Variants in CCDC6 observed in about 807,000 individuals in gnomAD.
CCDC6 encodes the protein coiled-coil domain containing 6.
CCDC6 carries 20 observed loss-of-function variants against 56.6 expected under a neutral mutation model. That is an observed-to-expected ratio of 0.35 (90% confidence interval 0.25 to 0.51). The LOEUF is 0.51. CCDC6 is among the 20% of genes least tolerant of loss of function. The pLI is 0.95. For missense variants in CCDC6, 367 were observed against 601.1 expected, an observed-to-expected ratio of 0.61 and a Z score of 4.07; for synonymous variants, 241 against 234.4, an observed-to-expected ratio of 1.03 and a Z score of -0.26.
chr10:59,827,564 GTTTA>G (rs2070798725), intron 3 of CCDC6, among the ~76,000 whole-genome samples: 1 of 152,106 alleles, frequency 6.6e-6, no homozygotes, highest in Admixed American at 6.5e-5. Flanking sequence ...AGGCCACACT[GTTTA>G]TTACAGATGA....
At chr10:59,877,658 GT>G (rs2071296118) in intron 1 of CCDC6, among the ~76,000 whole-genome samples, 1 of 152,134 alleles carries the variant, frequency 6.6e-6, no homozygotes, top group Non-Finnish European at 1.5e-5. Context: ...CCTCTCTTCT[GT>G]TTAGTAGGCA....
chr10:59,896,299 T>A (rs555175344), intron 1 of CCDC6, among the ~76,000 whole-genome samples: 1 of 152,150 alleles, frequency 6.6e-6, no homozygotes, highest in East Asian at 1.9e-4. Flanking sequence ...GGGTAAGATA[T>A]GGGGGGATGA....
chr10:59,879,129 G>A (rs2071309803), intron 1 of CCDC6, among the ~76,000 whole-genome samples: 1 of 152,108 alleles, frequency 6.6e-6, no homozygotes, highest in Admixed American at 6.5e-5. Flanking sequence ...TTACGCAATT[G>A]CCAAAGGTCC....
chr10:59,798,275 T>G (rs1354963571), intron 7 of CCDC6, among the ~76,000 whole-genome samples: 2 of 152,262 alleles, frequency 1.3e-5, no homozygotes, highest in Non-Finnish European at 2.9e-5. Flanking sequence ...CTTACTGCTT[T>G]TCTGAATTAC....
At chr10:59,849,588 T>C (rs1047175098) in intron 2 of CCDC6, among the ~76,000 whole-genome samples, 3 of 152,164 alleles carry the variant, frequency 2.0e-5, no homozygotes, top group African/African-American at 4.8e-5. Flanking sequence ...CCAATCACTA[T>C]CAGAAATAAC....
chr10:59,880,739 A>G (rs2071326429), intron 1 of CCDC6, among the ~76,000 whole-genome samples: 2 of 152,244 alleles, frequency 1.3e-5, no homozygotes, highest in Admixed American at 6.5e-5. Flanking sequence ...GCATATGTCC[A>G]CTATTTAGGC....
At chr10:59,865,343 G>A (rs2071167834) in intron 1 of CCDC6, among the ~76,000 whole-genome samples, 1 of 152,172 alleles carries the variant, frequency 6.6e-6, no homozygotes, top group South Asian at 2.1e-4. Context: ...GTGATAAAGT[G>A]ACCTCTGCAA....
intron 1 of CCDC6, among the ~76,000 whole-genome samples, chr10:59,874,760 A>G (rs1055959998): frequency 6.6e-6 from 1 of 152,168 alleles, no homozygotes; most frequent in African/African-American, 2.4e-5. Context: ...ATGCCTAATG[A>G]TGACTTGACT....
At chr10:59,881,355 G>C (rs903764996) in intron 1 of CCDC6, among the ~76,000 whole-genome samples, 2 of 152,022 alleles carry the variant, frequency 1.3e-5, no homozygotes, top group African/African-American at 4.8e-5. Flanking sequence ...CATCCCGGCA[G>C]CACATTCATA....
chr10:59,899,162 A>C (rs1314654612), intron 1 of CCDC6, among the ~76,000 whole-genome samples: 3 of 152,182 alleles, frequency 2.0e-5, no homozygotes, highest in Non-Finnish European at 4.4e-5. Context: ...CACAATTAAA[A>C]ATATTTTCCA....
intron 3 of CCDC6, among the ~76,000 whole-genome samples, chr10:59,826,307 T>C (rs1046477706): frequency 1.3e-5 from 2 of 152,240 alleles, no homozygotes; most frequent in Non-Finnish European, 2.9e-5. Flanking sequence ...ATATAGTACC[T>C]GCAAATACTT....
At chr10:59,860,328 C>T (rs748756913) in intron 1 of CCDC6, among the ~76,000 whole-genome samples, 23 of 152,072 alleles carry the variant, frequency 1.5e-4, no homozygotes, top group African/African-American at 9.7e-5. Flanking sequence ...GACTACCAGA[C>T]GAAGAAAGGA....
At position 59,794,566 on chromosome 10, in the gene CCDC6, G is replaced by A; in HGVS notation, c.1137C>T (p.Phe379=). The part of the protein sequence containing the change: ...GLSYASHTVG[F]TPPTSLTRAG... ...CTCTAGTCAGTGAAGTTGGTGGCGT[G>A]AAACCAACCGTGTGACTTGCATATG... The change falls in exon 8 of 9, where the codon TTC becomes TTT. Residue 379 remains phenylalanine, a synonymous_variant. Coordinates refer to ENST00000263102, the MANE Select transcript of CCDC6 (RefSeq NM_005436.5). 6.2e-7 allele frequency: 1 copy of A among 1,613,994 alleles called. No individual in the cohort carries two copies. Among genetic ancestry groups the A allele is most frequent in the Non-Finnish European group, 8.5e-7 (1 of 1,179,862 alleles).
Position 59,906,466 on chromosome 10 carries a change from G to A in CCDC6, c.-42C>T, listed in dbSNP as rs1203648241. 5 of 1,441,928 alleles carry A rather than the reference G, an allele frequency of 3.5e-6. No homozygotes were observed. The highest frequency in any genetic ancestry group is 3.6e-6 in the Non-Finnish European group (4 of 1,110,924). The allele number at this position is 1,441,928 out of a possible 1,614,324, so 89.3% of individuals were successfully genotyped here. A position where few individuals can be genotyped will look rare whatever the true frequency, so the allele number is the denominator to read the frequency against. On this transcript the variant is annotated 5_prime_UTR_variant, in exon 1 of 9. Transcript: ENST00000263102. The stretch of plus-strand genomic sequence containing the variant: ...GGAAAGGAGGAGGAGCAGCAGGGAG[G>A]CGGCGGCGACGAAGGCCGGGCTGCG...
At chr10:59,892,284 C>T (rs565491531) in intron 1 of CCDC6, among the ~76,000 whole-genome samples, 8 of 152,172 alleles carry the variant, frequency 5.3e-5, no homozygotes, top group Non-Finnish European at 1.2e-4. Flanking sequence ...ATGGAAAGAG[C>T]TCTGTAACTG....
chr10:59,814,940 C>A (rs978100328), intron 3 of CCDC6, among the ~76,000 whole-genome samples, 185 bp from the exon 4 acceptor site: 1 of 150,970 alleles, frequency 6.6e-6, no homozygotes, highest in African/African-American at 2.4e-5. Flanking sequence ...TAGGTTCATT[C>A]TTGGATGTTA....
At chr10:59,853,360 C>T (rs906191108) in intron 1 of CCDC6, among the ~76,000 whole-genome samples, 19 of 152,020 alleles carry the variant, frequency 1.2e-4, no homozygotes, top group Admixed American at 3.9e-4. Flanking sequence ...TGGCAAAACC[C>T]TGTCTCTATA....
chr10:59,872,363 A>G (rs1394961475), intron 1 of CCDC6, among the ~76,000 whole-genome samples: 2 of 152,186 alleles, frequency 1.3e-5, no homozygotes, highest in East Asian at 1.9e-4. Context: ...AGATACGGAG[A>G]CTTAAGCAAA....
At chr10:59,797,634 C>CA (rs1225462987) in intron 7 of CCDC6, among the ~76,000 whole-genome samples, 1 of 96,094 alleles carries the variant, frequency 1.0e-5, no homozygotes, top group Non-Finnish European at 1.9e-5. Flanking sequence ...AAGAAGAAGA[C>CA]AGGGAGAGTG....
Sources: allele counts gnomAD v4.1 joint callset (sites outside exome capture counted in the v4.1 genomes callset), GRCh38; gene constraint gnomAD v4.1.1; transcripts MANE v1.5; gene names NCBI Gene and HGNC (gene_info 2026-07-23, HGNC 2026-07-21).